NAPA: variants seen among roughly 807,000 people sequenced by gnomAD.
NAPA encodes alpha-soluble NSF attachment protein.
In NAPA, 18 loss-of-function variants were observed where a neutral mutation model predicts 48.0. That is an observed-to-expected ratio of 0.38 (90% CI 0.26 to 0.56). The LOEUF (loss-of-function observed/expected upper bound fraction) is 0.56. Ranked by LOEUF, NAPA falls within the 20% of genes least tolerant of loss-of-function variation. NAPA has a pLI of 0.77. For missense variants in NAPA, 315 were observed against 385.0 expected (o/e 0.82, Z 1.52); for synonymous variants, 152 against 149.9 (o/e 1.01, Z -0.10).
At position 47,493,512 on chromosome 19, in the gene NAPA, G is replaced by T. The variant is rs751976552; in HGVS notation, c.343-19C>A. On this transcript the variant is annotated intron_variant, in intron 4 of 10. Coordinates refer to ENST00000263354, the MANE Select transcript of NAPA (RefSeq NM_003827.4). The surrounding 1 kb of genome is among the most constrained non-coding windows in gnomAD (Gnocchi z 6.4). ...ATCGGCCCTGGAGGGGACACAGGAA[G>T]GGGCTGCCTGCGACTCATGACCTCC... is the stretch of plus-strand genomic sequence containing the variant. 1 of 1,612,276 alleles carries T rather than the reference G, an allele frequency of 6.2e-7. No individual in the cohort carries two copies. The highest frequency in any genetic ancestry group is 8.5e-7 in the Non-Finnish European group (1 of 1,178,820).
At chr19:47,486,665 A>T (rs374104186), downstream of NAPA, among the ~76,000 whole-genome samples, 123 of 152,354 alleles carry the variant, frequency 8.1e-4, no homozygotes, top group African/African-American at 2.9e-3. Flanking sequence ...GATTTAGGTC[A>T]TGGATGACAG....
intron 8 of NAPA, 69 bp downstream of exon 8, chr19:47,491,946 C>G (rs374558979): frequency 8.5e-6 from 12 of 1,419,358 alleles, no homozygotes; most frequent in Non-Finnish European, 1.2e-5. Flanking sequence ...TCGGGGGCAA[C>G]GGGACCTGGC....
intron 1 of NAPA, among the ~76,000 whole-genome samples, chr19:47,509,628 T>C (rs1216511796): frequency 6.6e-6 from 1 of 152,232 alleles, no homozygotes; most frequent in Non-Finnish European, 1.5e-5. Context: ...TACTTCAGAA[T>C]AGCAGCATGG....
intron 1 of NAPA, among the ~76,000 whole-genome samples, chr19:47,511,169 C>T (rs1468432226): frequency 1.3e-5 from 2 of 152,206 alleles, no homozygotes; most frequent in East Asian, 1.9e-4. Context: ...CAAGCTGAGC[C>T]GCAACGCTCC....
chr19:47,510,569 C>T (rs1968786763), intron 1 of NAPA, among the ~76,000 whole-genome samples: 1 of 152,194 alleles, frequency 6.6e-6, no homozygotes, highest in Non-Finnish European at 1.5e-5. Flanking sequence ...GATGAAGAAA[C>T]TCCCTCTACA....
chr19:47,502,237 C>CAAAA (rs55762206), intron 2 of NAPA, among the ~76,000 whole-genome samples: 8 of 62,452 alleles, frequency 1.3e-4, no homozygotes, highest in African/African-American at 3.6e-4. Flanking sequence ...AAGACTGTCT[C>CAAAA]AAAAAAAAAA....
chr19:47,492,076 G>T lies in NAPA; in HGVS notation c.605C>A (p.Ala202Asp). The stretch of plus-strand genomic sequence containing the variant: ...GGCCGCCTTGAAGAAGTAGTCTTTG[G>T]CGCTGTACTTGAGGAGGGGGCTGTC... ...AMDSPLLKYSAKDYFFKAALC... is the reference protein window; with the variant it reads ...AMDSPLLKYSDKDYFFKAALC... The change falls in exon 8 of 11, where the codon GCC becomes GAC. Residue 202 changes from alanine (A) to aspartate (D), a missense_variant. Transcript: ENST00000263354. The T allele has an allele frequency of 6.2e-7, 1 of 1,614,176 alleles. No homozygotes were observed. The highest frequency in any genetic ancestry group is 8.5e-7 in the Non-Finnish European group (1 of 1,179,994).
In NAPA at chr19:47,493,563, C is replaced by G. The variant is rs183538189; in HGVS notation, c.343-70G>C. On this transcript the variant is annotated intron_variant, in intron 4 of 10. Transcript: ENST00000263354. This position sits in a 1 kb window ranked among gnomAD's most constrained non-coding sequence, Gnocchi z 6.4. ...TGCGTGCCTGCCTGCTGACCTATGA[C>G]CCTTCAAGTTCCCACCCCTCAGCCA... 1 of 1,398,594 alleles carries G rather than the reference C, an allele frequency of 7.2e-7. No homozygotes were observed. Among genetic ancestry groups the G allele is most frequent in the Admixed American group, 1.7e-5 (1 of 59,588 alleles). The allele number at this position is 1,398,594 out of a possible 1,614,324, so 86.6% of individuals were successfully genotyped here.
At chr19:47,507,436 A>C (rs535850997) in intron 1 of NAPA, among the ~76,000 whole-genome samples, 2 of 152,200 alleles carry the variant, frequency 1.3e-5, no homozygotes, top group African/African-American at 4.8e-5. Flanking sequence ...GCTGCCAGAA[A>C]TACACCATGC....
chr19:47,503,603 T>G, intron 1 of NAPA, 101 bp from the exon 2 acceptor site: 1 of 1,090,652 alleles, frequency 9.2e-7, no homozygotes, highest in Non-Finnish European at 1.4e-6. Context: ...CCCCTACCCC[T>G]CACCCTTCAC....
Position 47,493,463 on chromosome 19 carries a change from T to A in NAPA, c.373A>T (p.Ile125Phe), listed in dbSNP as rs759587603. The change falls in exon 5 of 11, where the codon ATC (isoleucine) becomes TTC (phenylalanine). Residue 125 changes from isoleucine to phenylalanine, a missense_variant. Ile to Phe is a conservative substitution (Grantham distance 21, BLOSUM62 0). Transcript: ENST00000263354. This position sits in a 1 kb window ranked among gnomAD's most constrained non-coding sequence, Gnocchi z 6.4. ...GTCTCATAGATCTCAGCAATGGAGA[T>A]GTGGTGCTTGGCCGCAATCGTGAAT... is the stretch of plus-strand genomic sequence containing the variant. ...GRFTIAAKHH[I>F]SIAEIYETEL... 5 of 1,613,984 alleles carry A rather than the reference T, an allele frequency of 3.1e-6. No individual in the cohort carries two copies. The highest frequency in any genetic ancestry group is 3.4e-6 in the Non-Finnish European group (4 of 1,179,972).
intron 7 of NAPA, chr19:47,492,691 A>G (rs1230445884): frequency 1.7e-6 from 1 of 599,822 alleles, no homozygotes; most frequent in Admixed American, 2.3e-5. Context: ...AGCCAGCCTC[A>G]CTCTGGGCCC....
At chr19:47,504,180 G>A (rs941423371) in intron 1 of NAPA, among the ~76,000 whole-genome samples, 1 of 152,052 alleles carries the variant, frequency 6.6e-6, no homozygotes, top group Non-Finnish European at 1.5e-5. Flanking sequence ...GATTGCTTGA[G>A]CTCAAGAGTT....
rs376511592 is a variant in NAPA, at chr19:47,500,791, C to T, written c.179-42G>A. ...GGGCAGTCCTGGCCTCAGTGGGGCT[C>T]CACACTTTATGAAGCCACAGAGACA... On this transcript the variant is annotated intron_variant, in intron 2 of 10. Coordinates refer to ENST00000263354, the MANE Select transcript of NAPA (RefSeq NM_003827.4). The T allele has an allele frequency of 4.1e-6, 6 of 1,461,818 alleles. No homozygotes were observed. In the African/African-American group the frequency reaches 7.1e-5, roughly 17 times the overall value. 90.6% of individuals were successfully genotyped at this position (1,461,818 alleles called of 1,614,324 possible). A position where few individuals can be genotyped will look rare whatever the true frequency, so the allele number is the denominator to read the frequency against.
At chr19:47,508,409 T>G (rs1213360405) in intron 1 of NAPA, among the ~76,000 whole-genome samples, 1 of 152,148 alleles carries the variant, frequency 6.6e-6, no homozygotes, top group Non-Finnish European at 1.5e-5. Context: ...CCAAGCAGAG[T>G]ATGAGTTCCT....
intron 1 of NAPA, 70 bp downstream of exon 1, chr19:47,514,770 CCCG>C: frequency 6.8e-7 from 1 of 1,465,610 alleles, no homozygotes; most frequent in Non-Finnish European, 9.4e-7. Flanking sequence ...CGTGCCCTAA[CCCG>C]CCACCTCCGA....
rs71363738 is a variant in NAPA at position 47,515,000 on chromosome 19, G to T, written c.-60C>A. The T allele has an allele frequency of 0.03, 46,964 of 1,540,104 alleles. 881 individuals are homozygous for T. The highest frequency in any genetic ancestry group is 0.034 in the Non-Finnish European group (38,176 of 1,126,038). On this transcript the variant is annotated 5_prime_UTR_variant, in exon 1 of 11. Transcript: ENST00000263354. Reference sequence around the variant, plus strand: ...CCTGACCCTGGGAAGACTCAGCCGCGGCCGGGCCGCGGAACACAGATCGGT... The same window carrying T: ...CCTGACCCTGGGAAGACTCAGCCGCTGCCGGGCCGCGGAACACAGATCGGT...
intron 3 of NAPA, chr19:47,497,224 G>C (rs972812923): frequency 2.2e-5 from 4 of 178,206 alleles, no homozygotes; most frequent in Non-Finnish European, 3.6e-5. Flanking sequence ...CTCCTGGCCG[G>C]AACACCCAGG....
rs1968283842 is a variant in NAPA, at chr19:47,492,096, G to A, written c.585C>T (p.Ser195=). 1.2e-6 allele frequency: 2 copies of A among 1,614,048 alleles called. No homozygotes were observed. Among genetic ancestry groups the A allele is most frequent in the South Asian group, 2.2e-5 (2 of 91,082 alleles). The change falls in exon 8 of 11, where the codon AGC becomes AGT. Residue 195 remains serine, a synonymous_variant. Transcript: ENST00000263354. ...CTTTGGCGCTGTACTTGAGGAGGGGGCTGTCCATGGCATTGGTCCCCACCT... is the reference window on the plus strand; with the variant it reads ...CTTTGGCGCTGTACTTGAGGAGGGGACTGTCCATGGCATTGGTCCCCACCT... ...YEQVGTNAMD[S]PLLKYSAKDY...
Sources: gnomAD v4.1 joint callset for allele counts (sites outside exome capture counted in the v4.1 genomes callset) on GRCh38, gnomAD v4.1.1 for gene constraint, Gnocchi (gnomAD v3.1) non-coding constraint, MANE v1.5 for transcripts, NCBI Gene and HGNC (gene_info 2026-07-23, HGNC 2026-07-21) for gene names.